ARHGAP24: variants seen among roughly 807,000 people sequenced by gnomAD.
ARHGAP24 encodes Rho GTPase activating protein 24.
ARHGAP24 carries 50 observed loss-of-function variants against 76.4 expected under a neutral mutation model. The ratio of observed to expected loss-of-function variants is 0.65; its 90% CI spans 0.52 to 0.83. The LOEUF (loss-of-function observed/expected upper bound fraction) is 0.83, where lower values mean the gene tolerates loss of function less well. ARHGAP24 is among the 40% of genes least tolerant of loss of function. ARHGAP24 has a pLI of 0.00. For synonymous variants in ARHGAP24, 345 were observed against 323.3 expected (o/e 1.07, Z -0.72); for missense variants, 930 against 914.2 (o/e 1.02, Z -0.22).
intron 1 of ARHGAP24, among the ~76,000 whole-genome samples, chr4:85,560,890 C>T (rs567428899): frequency 6.6e-6 from 1 of 152,208 alleles, no homozygotes; most frequent in East Asian, 1.9e-4. Flanking sequence ...GTAACAACGG[C>T]AAATGTTTTA....
chr4:85,516,735 T>A (rs1724522071), intron 1 of ARHGAP24, among the ~76,000 whole-genome samples: 1 of 152,048 alleles, frequency 6.6e-6, no homozygotes, highest in African/African-American at 2.4e-5. Context: ...TTTCTTCATT[T>A]TTAGTCTTTT....
At chr4:85,712,270 A>T (rs1265882611) in intron 2 of ARHGAP24, among the ~76,000 whole-genome samples, 1 of 152,120 alleles carries the variant, frequency 6.6e-6, no homozygotes, top group Non-Finnish European at 1.5e-5. Flanking sequence ...TTCTCTGGTT[A>T]CCACCTCTCA....
At chr4:85,660,493 T>C (rs1722335891) in intron 2 of ARHGAP24, among the ~76,000 whole-genome samples, 1 of 152,052 alleles carries the variant, frequency 6.6e-6, no homozygotes, top group Non-Finnish European at 1.5e-5. Flanking sequence ...AGGAATTGGC[T>C]GAATTAATTT....
chr4:85,785,508 T>G (rs1282070096), intron 3 of ARHGAP24, among the ~76,000 whole-genome samples: 1 of 149,912 alleles, frequency 6.7e-6, no homozygotes, highest in Non-Finnish European at 1.5e-5. Context: ...GTTTTGTTTT[T>G]TTAAGAAAGA....
intron 4 of ARHGAP24, chr4:85,930,130 G>A: frequency 1.6e-6 from 1 of 616,492 alleles, no homozygotes; most frequent in South Asian, 7.2e-5. Context: ...AGCCCTGCCA[G>A]CTCCCTCCCA....
intron 2 of ARHGAP24, among the ~76,000 whole-genome samples, chr4:85,662,556 C>G (rs1350690205): frequency 6.6e-6 from 1 of 151,470 alleles, no homozygotes; most frequent in African/African-American, 2.4e-5. Context: ...CTTTTTTTGC[C>G]ATTGCTTTTG....
intron 3 of ARHGAP24, among the ~76,000 whole-genome samples, chr4:85,806,132 G>C (rs141320503): frequency 6.6e-6 from 1 of 152,108 alleles, no homozygotes; most frequent in Non-Finnish European, 1.5e-5. Context: ...AACTAAACTT[G>C]TTCCAATTTG....
Position 86,001,070 on chromosome 4 carries a change from C to T in ARHGAP24, c.*348C>T, listed in dbSNP as rs1740992482. Reference sequence around the variant, plus strand: ...ATTTAGCTTGCTTTCAAGCTTCACCCCTTGCACTTAACATAAGCTATTTTT... The same window carrying T: ...ATTTAGCTTGCTTTCAAGCTTCACCTCTTGCACTTAACATAAGCTATTTTT... On this transcript the variant is annotated 3_prime_UTR_variant, in exon 10 of 10. Coordinates refer to ENST00000395184, the MANE Select transcript of ARHGAP24 (RefSeq NM_001025616.3). 4.6e-6 allele frequency: 2 copies of T among 437,702 alleles called. No homozygotes were observed. 27.1% of individuals were successfully genotyped at this position (437,702 alleles called of 1,614,324 possible). A position where few individuals can be genotyped will look rare whatever the true frequency, so the allele number is the denominator to read the frequency against.
chr4:85,861,852 T>A (rs752663569), intron 3 of ARHGAP24, among the ~76,000 whole-genome samples: 5 of 152,042 alleles, frequency 3.3e-5, no homozygotes, highest in African/African-American at 4.8e-5. Context: ...CAGTCACAGT[T>A]GTTTTAACAA....
At chr4:85,645,147 C>T (rs1721676058) in intron 2 of ARHGAP24, among the ~76,000 whole-genome samples, 1 of 152,010 alleles carries the variant, frequency 6.6e-6, no homozygotes, top group South Asian at 2.1e-4. Flanking sequence ...GAGTTTGTAG[C>T]TTAAGATAAA....
At chr4:85,623,996 A>G (rs1294783595) in intron 2 of ARHGAP24, among the ~76,000 whole-genome samples, 2 of 152,146 alleles carry the variant, frequency 1.3e-5, no homozygotes, top group African/African-American at 4.8e-5. Flanking sequence ...GGCTGAGACA[A>G]TGGGGTTTTC....
intron 3 of ARHGAP24, among the ~76,000 whole-genome samples, chr4:85,856,343 C>T (rs776436963): frequency 1.6e-4 from 24 of 151,966 alleles, no homozygotes; most frequent in Non-Finnish European, 7.4e-5. Flanking sequence ...TCTGAAAGGA[C>T]ATACACTAAG....
intron 1 of ARHGAP24, among the ~76,000 whole-genome samples, chr4:85,489,629 A>C (rs1723280105): frequency 6.6e-6 from 1 of 152,104 alleles, no homozygotes; most frequent in African/African-American, 2.4e-5. Flanking sequence ...TGCTCCACAA[A>C]CCTTTGCAGG....
At chr4:85,980,072 A>T (rs1309959785) in intron 8 of ARHGAP24, among the ~76,000 whole-genome samples, 1 of 152,150 alleles carries the variant, frequency 6.6e-6, no homozygotes, top group Non-Finnish European at 1.5e-5. Flanking sequence ...TTTATGCCCC[A>T]AACCTGGAAT....
chr4:85,919,124 T>C (rs936631008), intron 3 of ARHGAP24, among the ~76,000 whole-genome samples: 3 of 152,180 alleles, frequency 2.0e-5, no homozygotes, highest in Non-Finnish European at 4.4e-5. Context: ...GATAATTAGA[T>C]CTCAACATTG....
chr4:85,550,998 T>C (rs1726114051), intron 1 of ARHGAP24, among the ~76,000 whole-genome samples: 1 of 103,262 alleles, frequency 9.7e-6, no homozygotes, highest in South Asian at 4.8e-4. Context: ...TGATGGTCTC[T>C]CTTACTATCT....
At chr4:85,553,758 C>T (rs902845072) in intron 1 of ARHGAP24, among the ~76,000 whole-genome samples, 4 of 152,214 alleles carry the variant, frequency 2.6e-5, no homozygotes, top group African/African-American at 4.8e-5. Flanking sequence ...GGTCTTGCTT[C>T]TTTATCCAGC....
chr4:85,573,258 T>C (rs1185614614), intron 2 of ARHGAP24, among the ~76,000 whole-genome samples: 2 of 152,226 alleles, frequency 1.3e-5, no homozygotes, highest in Non-Finnish European at 2.9e-5. Flanking sequence ...TTGAGCTTTT[T>C]AATGTTTTGC....
chr4:85,982,919 T>C (rs749131242), intron 8 of ARHGAP24, among the ~76,000 whole-genome samples: 16 of 152,082 alleles, frequency 1.1e-4, no homozygotes, highest in Admixed American at 2.6e-4. Flanking sequence ...ATGTTTTCCC[T>C]TCCCCCCCTT....
Sources: gnomAD v4.1 joint callset for allele counts (sites outside exome capture counted in the v4.1 genomes callset) on GRCh38, gnomAD v4.1.1 for gene constraint, MANE v1.5 for transcripts, NCBI Gene and HGNC (gene_info 2026-07-23, HGNC 2026-07-21) for gene names.